The following IQCB1 variants were observed in gnomAD, a reference collection of about 807,000 sequenced individuals.
IQCB1 encodes the protein IQ motif containing B1.
A neutral mutation model predicts 84.4 loss-of-function variants in IQCB1; 56 were observed. The observed-to-expected ratio is 0.66, with a 90% CI of 0.54 to 0.83. The LOEUF (loss-of-function observed/expected upper bound fraction) is 0.83. Ranked by LOEUF, IQCB1 falls within the 40% of genes least tolerant of loss-of-function variation. The pLI is 0.00. For synonymous variants in IQCB1, 210 were observed against 234.8 expected (o/e 0.89, Z 0.96); for missense variants, 629 against 682.1 (o/e 0.92, Z 0.87).
chr3:121,784,384 C>T (rs950286264), intron 12 of IQCB1, among the ~76,000 whole-genome samples: 1 of 151,886 alleles, frequency 6.6e-6, no homozygotes, highest in Admixed American at 6.6e-5. Flanking sequence ...TAACTTTTCC[C>T]CCACAGTCCT....
At chr3:121,774,428 G>A (rs963317959) in intron 13 of IQCB1, among the ~76,000 whole-genome samples, 5 of 152,006 alleles carry the variant, frequency 3.3e-5, no homozygotes, top group Non-Finnish European at 7.4e-5. Context: ...TTTCCATTTC[G>A]GATACTCACC....
At chr3:121,821,436 C>G (rs534288678) in intron 5 of IQCB1, among the ~76,000 whole-genome samples, 3 of 152,162 alleles carry the variant, frequency 2.0e-5, no homozygotes, top group Non-Finnish European at 4.4e-5. Flanking sequence ...AGACCAGGTA[C>G]CATTGGCTCC....
intron 8 of IQCB1, among the ~76,000 whole-genome samples, chr3:121,798,347 C>T (rs1949279289): frequency 6.6e-6 from 1 of 151,760 alleles, no homozygotes; most frequent in Non-Finnish European, 1.5e-5. Flanking sequence ...ACAGTATAAC[C>T]CTATGTTAAT....
chr3:121,790,946 ATATAAT>A (rs950240082), intron 10 of IQCB1, among the ~76,000 whole-genome samples: 3 of 152,164 alleles, frequency 2.0e-5, no homozygotes, highest in South Asian at 2.1e-4. Context: ...CAAACATTTT[ATATAAT>A]TATAATTTCT....
chr3:121,801,293 T>G (rs1057021280), intron 7 of IQCB1, among the ~76,000 whole-genome samples: 2 of 152,194 alleles, frequency 1.3e-5, no homozygotes, highest in Middle Eastern at 6.8e-3. Context: ...CATTTGAGTT[T>G]TAGCTAGTCC....
intron 7 of IQCB1, among the ~76,000 whole-genome samples, chr3:121,801,803 G>A (rs1335083153): frequency 7.8e-6 from 1 of 128,176 alleles, no homozygotes; most frequent in Non-Finnish European, 1.6e-5. Flanking sequence ...CTACTTTGCT[G>A]CAAGGCCTTT....
chr3:121,802,076 T>C (rs1241946373), intron 7 of IQCB1, among the ~76,000 whole-genome samples: 1 of 152,052 alleles, frequency 6.6e-6, no homozygotes, highest in Non-Finnish European at 1.5e-5. Context: ...TTTATGAATA[T>C]ACTGATGAGT....
chr3:121,793,963 G>A (rs1255094910), intron 10 of IQCB1, among the ~76,000 whole-genome samples: 1 of 152,036 alleles, frequency 6.6e-6, no homozygotes, highest in African/African-American at 2.4e-5. Flanking sequence ...TTAAATTTAA[G>A]ATGACAGGTA....
intron 2 of IQCB1, among the ~76,000 whole-genome samples, chr3:121,829,312 G>A (rs1950556357): frequency 6.6e-6 from 1 of 152,006 alleles, no homozygotes; most frequent in African/African-American, 2.4e-5. Context: ...AATCACACAA[G>A]AAGAACTGCA....
chr3:121,828,671 A>C (rs1482138689), intron 3 of IQCB1, 39 bp from the exon 4 acceptor site: 1 of 1,423,050 alleles, frequency 7.0e-7, no homozygotes, highest in East Asian at 2.3e-5. Flanking sequence ...ATTTTTGCTT[A>C]ATACATCCAG....
chr3:121,795,511 C>T lies in IQCB1; in HGVS notation c.932G>A (p.Arg311Lys). The T allele has an allele frequency of 6.2e-7, 1 of 1,610,936 alleles. No homozygotes were observed. Among genetic ancestry groups the T allele is most frequent in the Non-Finnish European group, 8.5e-7 (1 of 1,177,944 alleles). ...AGATGGAAGCTTCTTTAATCTCTTT[C>T]TTGTCTGAAAACCCTTCCAATAGGC... is the stretch of plus-strand genomic sequence containing the variant. ...IQAYWKGFQT[R>K]KRLKKLPSAV... Residue 311 changes from arginine to lysine, a missense_variant, in exon 10 of 15, where the codon AGA becomes AAA. Arg to Lys is a conservative substitution (Grantham distance 26, BLOSUM62 2). Transcript: ENST00000310864.
chr3:121,775,424 T>C (rs1948186087), intron 13 of IQCB1, among the ~76,000 whole-genome samples: 1 of 152,100 alleles, frequency 6.6e-6, no homozygotes, highest in African/African-American at 2.4e-5. Context: ...AGTTGAACAA[T>C]GAGAACACGT....
Position 121,797,206 on chromosome 3 carries a change from T to G in IQCB1, c.788A>C (p.Lys263Thr). Residue 263 changes from lysine (K) to threonine (T), a missense_variant, in exon 9 of 15, where the codon AAA (lysine) becomes ACA (threonine). Physicochemically the swap from Lys to Thr is moderately conservative, Grantham distance 78. Coordinates refer to ENST00000310864, the MANE Select transcript of IQCB1 (RefSeq NM_001023570.4). ...CYKGLRRLLS[K>T]QETGTEFSQE... ...ACTGAATTCAGTCCCAGTTTCCTGT[T>G]TACTTAGTAGACGTCTGAGTCCTGA... The G allele has an allele frequency of 6.2e-7, 1 of 1,601,758 alleles. No individual in the cohort carries two copies. Among genetic ancestry groups the G allele is most frequent in the Non-Finnish European group, 8.5e-7 (1 of 1,170,010 alleles).
chr3:121,796,684 A>G (rs1210279848), intron 9 of IQCB1, among the ~76,000 whole-genome samples: 1 of 152,190 alleles, frequency 6.6e-6, no homozygotes, highest in Non-Finnish European at 1.5e-5. Context: ...AACAGTTTTA[A>G]AAGTTTAAAT....
chr3:121,792,751 A>C (rs1442721865), intron 10 of IQCB1, among the ~76,000 whole-genome samples: 1 of 151,872 alleles, frequency 6.6e-6, no homozygotes, highest in Non-Finnish European at 1.5e-5. Flanking sequence ...CATATGTTTT[A>C]CTTTCATATC....
chr3:121,821,052 G>A (rs549171222), intron 5 of IQCB1, among the ~76,000 whole-genome samples: 4 of 151,628 alleles, frequency 2.6e-5, no homozygotes, highest in African/African-American at 4.8e-5. Flanking sequence ...GTGCGGTGAC[G>A]TGATCATAGC....
chr3:121,826,227 TG>T, intron 4 of IQCB1, 47 bp from the exon 5 acceptor site: 1 of 1,592,548 alleles, frequency 6.3e-7, no homozygotes, highest in Non-Finnish European at 8.6e-7. Flanking sequence ...TTATGTTGAA[TG>T]CTCAAGCTTC....
At chr3:121,793,431 C>A (rs1949070745) in intron 10 of IQCB1, among the ~76,000 whole-genome samples, 2 of 152,014 alleles carry the variant, frequency 1.3e-5, no homozygotes, top group South Asian at 2.1e-4. Flanking sequence ...CTCCCAAAAC[C>A]ATGGGAAGGG....
chr3:121,799,057 TGA>T, intron 8 of IQCB1, 137 bp downstream of exon 8: 1 of 624,276 alleles, frequency 1.6e-6, no homozygotes, highest in South Asian at 2.0e-5. Flanking sequence ...TTTTTTTTTC[TGA>T]ATTGGTATCT....
Sources: gnomAD v4.1 joint callset for allele counts (sites outside exome capture counted in the v4.1 genomes callset) on GRCh38, gnomAD v4.1.1 for gene constraint, MANE v1.5 for transcripts, NCBI Gene and HGNC (gene_info 2026-07-23, HGNC 2026-07-21) for gene names.